Variants in TBL3 observed in about 807,000 individuals in gnomAD.
TBL3 encodes the protein transducin beta like 3, also known as transducin beta-like protein 3.
TBL3 carries 71 observed loss-of-function variants against 102.7 expected under a neutral mutation model. The observed-to-expected ratio is 0.69, with a 90% CI of 0.57 to 0.84. TBL3 has a LOEUF of 0.84. Ranked by LOEUF, TBL3 falls within the 40% of genes least tolerant of loss-of-function variation. The probability of loss-of-function intolerance (pLI) is 0.00; values close to 1 mark genes in which losing one functional copy is unlikely to be tolerated. For missense variants in TBL3, 1,188 were observed against 1,098.5 expected, an observed-to-expected ratio of 1.08 and a Z score of -1.15; for synonymous variants, 578 against 477.7, an observed-to-expected ratio of 1.21 and a Z score of -2.74.
At chr16:1,978,256 A>C in intron 20 of TBL3, 36 bp downstream of exon 20, 1 of 1,612,472 alleles carries the variant, frequency 6.2e-7, no homozygotes, top group South Asian at 1.1e-5. Flanking sequence ...CCCGGTGGGC[A>C]AGGGCCAGTC....
Position 1,974,203 on chromosome 16 carries a change from C to T in TBL3, c.100C>T (p.Gln34Ter), listed in dbSNP as rs142129784. The change falls in exon 3 of 22, where the codon CAG (glutamine) becomes TAG (stop). Residue 34 changes from glutamine (Q) to a stop codon, truncating the protein, a stop_gained. Transcript: ENST00000568546. LOFTEE classifies it high-confidence loss of function. Reference sequence around the variant, plus strand: ...GAGACCTCTCTGTCCCCAGCTGGACCAGACTGGCCAGCACCTCTTCTGCGT... The same window carrying T: ...GAGACCTCTCTGTCCCCAGCTGGACTAGACTGGCCAGCACCTCTTCTGCGT... ...FYKGGKAQLD[Q>*]TGQHLFCVCG... 6.3e-7 allele frequency: 1 copy of T among 1,588,448 alleles called. No homozygotes were observed. Among genetic ancestry groups the T allele is most frequent in the Non-Finnish European group, 8.6e-7 (1 of 1,165,376 alleles).
Position 1,977,731 on chromosome 16 carries a change from T to C in TBL3, c.1900-11T>C, listed in dbSNP as rs1449205294. 1 of 1,552,622 alleles carries C rather than the reference T, an allele frequency of 6.4e-7. No homozygotes were observed. Among genetic ancestry groups the C allele is most frequent in the African/African-American group, 1.4e-5 (1 of 73,066 alleles). On this transcript the variant is annotated splice_polypyrimidine_tract_variant and intron_variant, in intron 17 of 21. Coordinates refer to ENST00000568546, the MANE Select transcript of TBL3 (RefSeq NM_006453.3). The stretch of plus-strand genomic sequence containing the variant: ...GAGTGGAGGCCCCATCTGACCCTAG[T>C]CTAACCCCAGGATGTGACCGAGGCG...
chr16:1,981,302 C>G lies in TBL3; in HGVS notation c.*2617C>G. On this transcript the variant is annotated 3_prime_UTR_variant, in exon 22 of 22. Coordinates refer to ENST00000568546, the MANE Select transcript of TBL3 (RefSeq NM_006453.3). ...GATAGAATCCTGGCAACACCTCAAG[C>G]CTGTGGGGTCCTTGTGGAGCCGCCC... 1.4e-6 allele frequency: 2 copies of G among 1,475,680 alleles called. No individual in the cohort carries two copies. Among genetic ancestry groups the G allele is most frequent in the Non-Finnish European group, 1.8e-6 (2 of 1,115,384 alleles). 91.4% of individuals were successfully genotyped at this position (1,475,680 alleles called of 1,614,324 possible). A position where few individuals can be genotyped will look rare whatever the true frequency, so the allele number is the denominator to read the frequency against.
At position 1,977,776 on chromosome 16, in the gene TBL3, CCAGGCAAGAGGAGCAGGT is replaced by C. The variant is rs1298498956; in HGVS notation, c.1935_1952del (p.Arg646_Val651del). Reference sequence around the variant, plus strand: ...GAGGCGGAGCAGGCAGAGGAGCAGGCCAGGCAAGAGGAGCAGGTGGTCAGGTAAGGCCAGGGCAGTGGC... The same window carrying C: ...GAGGCGGAGCAGGCAGAGGAGCAGGCGGTCAGGTAAGGCCAGGGCAGTGGC... On this transcript the variant is annotated inframe_deletion, in exon 18 of 22. Coordinates refer to ENST00000568546, the MANE Select transcript of TBL3 (RefSeq NM_006453.3). 2 of 1,556,218 alleles carry C rather than the reference CCAGGCAAGAGGAGCAGGT, an allele frequency of 1.3e-6. No homozygotes were observed. Among genetic ancestry groups the C allele is most frequent in the South Asian group, 2.4e-5 (2 of 84,774 alleles).
Position 1,977,523 on chromosome 16 carries a change from T to C in TBL3, c.1752T>C (p.Asp584=), listed in dbSNP as rs572137426. The change falls in exon 17 of 22, where the codon GAT becomes GAC. Residue 584 remains aspartate, a synonymous_variant. Coordinates refer to ENST00000568546, the MANE Select transcript of TBL3 (RefSeq NM_006453.3). ...CCCACCCCAAACCCAGCGGTTCGGA[T>C]GGCCTCGTGAAGCTCTGGACCATCA... ...RGTQLLSSGS[D]GLVKLWTIKN... The C allele has an allele frequency of 6.2e-6, 10 of 1,606,790 alleles. No homozygotes were observed. In the African/African-American group the frequency reaches 1.2e-4, roughly 19 times the overall value.
chr16:1,974,675 C>T lies in TBL3; in HGVS notation c.375C>T (p.Ala125=). Residue 125 remains alanine, a synonymous_variant, in exon 5 of 22, where the codon GCC becomes GCT. Coordinates refer to ENST00000568546, the MANE Select transcript of TBL3 (RefSeq NM_006453.3). ...TCGACCCCACCTCCACTCTGCTAGC[C>T]ACAGGTAGGGCCCTGCCGTGCAGGT... ...MAFDPTSTLL[A]TGGCDGAVRV... 6.2e-7 allele frequency: 1 copy of T among 1,609,694 alleles called. No homozygotes were observed. Among genetic ancestry groups the T allele is most frequent in the Non-Finnish European group, 8.5e-7 (1 of 1,177,398 alleles).
chr16:1,981,123 C>T lies in TBL3; in HGVS notation c.*2438C>T. The T allele has an allele frequency of 6.2e-7, 1 of 1,613,506 alleles. No individual in the cohort carries two copies. Among genetic ancestry groups the T allele is most frequent in the Non-Finnish European group, 8.5e-7 (1 of 1,179,980 alleles). On this transcript the variant is annotated 3_prime_UTR_variant, in exon 22 of 22. Transcript: ENST00000568546. ...CCCAGCCAGGTCTTACTTGGAGCCT[C>T]TTGATCTGCACCAGGGCTGCCCCTT...
At position 1,981,801 on chromosome 16, in the gene TBL3, G is replaced by T. The variant is rs67069145; in HGVS notation, c.*3116G>T. 13,845 of 153,518 alleles carry T rather than the reference G, an allele frequency of 0.09. 688 individuals are homozygous for T. The highest frequency in any genetic ancestry group is 0.098 in the African/African-American group (4,063 of 41,520). 9.5% of individuals were successfully genotyped at this position (153,518 alleles called of 1,614,324 possible). A position where few individuals can be genotyped will look rare whatever the true frequency, so the allele number is the denominator to read the frequency against. ...GTTAAATGCGTAATTATTGTGAGCT[G>T]TTCTATACATGCTGGGGGAGGGGCA... On this transcript the variant is annotated 3_prime_UTR_variant, in exon 22 of 22. Transcript: ENST00000568546.
In TBL3 at chr16:1,979,260, C is replaced by G; in HGVS notation, c.*575C>G. On this transcript the variant is annotated 3_prime_UTR_variant, in exon 22 of 22. Coordinates refer to ENST00000568546, the MANE Select transcript of TBL3 (RefSeq NM_006453.3). ...CCGGGCCTCACCCGCCGGGTCGTCT[C>G]CTCCACGGAACCCCGTCCCGCTCAG... 6.5e-7 allele frequency: 1 copy of G among 1,534,036 alleles called. No individual in the cohort carries two copies. The highest frequency in any genetic ancestry group is 8.7e-7 in the Non-Finnish European group (1 of 1,147,500).
Position 1,978,017 on chromosome 16 carries a change from C to T in TBL3, c.2018C>T (p.Ala673Val), listed in dbSNP as rs780507366. 4 of 1,607,632 alleles carry T rather than the reference C, an allele frequency of 2.5e-6. No homozygotes were observed. The Admixed American group carries it at 6.7e-5, about 27-fold the overall frequency. ...EKRYLRALGLAISLDRPHTVL... is the reference protein window; with the variant it reads ...EKRYLRALGLVISLDRPHTVL... ...CGGTACCTGCGGGCGCTGGGCCTGGCCATCTCCCTGGATCGGCCCCACACC... is the reference window on the plus strand; with the variant it reads ...CGGTACCTGCGGGCGCTGGGCCTGGTCATCTCCCTGGATCGGCCCCACACC... Residue 673 changes from alanine (A) to valine (V), a missense_variant, in exon 19 of 22, where the codon GCC becomes GTC. Transcript: ENST00000568546.
At chr16:1,977,899 T>C (rs2083417346) in intron 18 of TBL3, 59 bp from the exon 19 acceptor site, 1 of 1,594,530 alleles carries the variant, frequency 6.3e-7, no homozygotes, top group East Asian at 2.2e-5. Flanking sequence ...CTGACTCCGA[T>C]GGCTCTGCCT....
intron 13 of TBL3, 141 bp downstream of exon 13, chr16:1,976,455 C>G (rs1443831150): frequency 4.0e-6 from 3 of 747,750 alleles, no homozygotes; most frequent in Non-Finnish European, 6.7e-6. Flanking sequence ...TGGAACAGAA[C>G]AGGACAGGAG....
chr16:1,979,910 G>GC lies in TBL3; in HGVS notation c.*1226dup. ...TTCTCCACCAGCCACCAGCCTGTGCGCAAGAAGCGGGCAGGGACTCAAATC... is the reference window on the plus strand; with the variant it reads ...TTCTCCACCAGCCACCAGCCTGTGCGCCAAGAAGCGGGCAGGGACTCAAATC... On this transcript the variant is annotated 3_prime_UTR_variant, in exon 22 of 22. Coordinates refer to ENST00000568546, the MANE Select transcript of TBL3 (RefSeq NM_006453.3). 6.3e-7 allele frequency: 1 copy of GC among 1,579,294 alleles called. No individual in the cohort carries two copies. Among genetic ancestry groups the GC allele is most frequent in the Non-Finnish European group, 8.6e-7 (1 of 1,163,272 alleles).
rs67025784 is a variant in TBL3 at position 1,982,065 on chromosome 16, C to T, written c.*3380C>T. 0.089 allele frequency: 13,525 copies of T among 152,192 alleles called. 664 individuals carry two copies. Among genetic ancestry groups the T allele is most frequent in the African/African-American group, 0.094 (3,913 of 41,500 alleles). 9.4% of individuals were successfully genotyped at this position (152,192 alleles called of 1,614,324 possible). ...CCTCTCTGGCTGCTTCCTTATAGTT[C>T]GGGCTTCGGAAGCCACATTCAACCC... is the stretch of plus-strand genomic sequence containing the variant. On this transcript the variant is annotated 3_prime_UTR_variant, in exon 22 of 22. Transcript: ENST00000568546.
intron 13 of TBL3, among the ~76,000 whole-genome samples, chr16:1,976,525 G>A (rs1352877880): frequency 2.6e-5 from 4 of 152,218 alleles, no homozygotes; most frequent in Non-Finnish European, 5.9e-5. Flanking sequence ...GGTTAAAGGG[G>A]GAAGGGCATT....
rs762290866 is a variant in TBL3 at position 1,979,342 on chromosome 16, C to G, written c.*657C>G. 1 of 1,577,308 alleles carries G rather than the reference C, an allele frequency of 6.3e-7. No homozygotes were observed. Among genetic ancestry groups the G allele is most frequent in the East Asian group, 2.3e-5 (1 of 43,002 alleles). On this transcript the variant is annotated 3_prime_UTR_variant, in exon 22 of 22. Transcript: ENST00000568546. ...ACCGCGGGGAGTAGGCCCGCCCGGT[C>G]GCCGTACCTGCGAGGGGCGGGGTGT... is the stretch of plus-strand genomic sequence containing the variant.
In TBL3 at chr16:1,981,693, G is replaced by A. The variant is rs2083513535; in HGVS notation, c.*3008G>A. 1 of 161,954 alleles carries A rather than the reference G, an allele frequency of 6.2e-6. No homozygotes were observed. The highest frequency in any genetic ancestry group is 1.7e-4 in the South Asian group (1 of 5,732). 10.0% of individuals were successfully genotyped at this position (161,954 alleles called of 1,614,324 possible). A position where few individuals can be genotyped will look rare whatever the true frequency, so the allele number is the denominator to read the frequency against. Reference sequence around the variant, plus strand: ...CAGAACCAAGGACTCAGTGCTTACAGCTTTAAGTGCTTTGTCTGACTTAAT... The same window carrying A: ...CAGAACCAAGGACTCAGTGCTTACAACTTTAAGTGCTTTGTCTGACTTAAT... On this transcript the variant is annotated 3_prime_UTR_variant, in exon 22 of 22. Transcript: ENST00000568546.
rs763698510 is a variant in TBL3 at position 1,975,536 on chromosome 16, G to A, written c.813G>A (p.Leu271=). Residue 271 remains leucine (L), a synonymous_variant, in exon 10 of 22, where the codon CTG becomes CTA. Transcript: ENST00000568546. ...CTGTCCCCACCCACACAGGCACTCT[G>A]CGCGTGTGGGAGGCAGCTTCTGGGC... ...YFLTAGDQGT[L]RVWEAASGQC... The A allele has an allele frequency of 3.8e-6, 6 of 1,598,076 alleles. No individual in the cohort carries two copies. In the Admixed American group the frequency reaches 5.0e-5, roughly 13 times the overall value.
In TBL3 at chr16:1,980,048, A is replaced by G. The variant is rs1434774765; in HGVS notation, c.*1363A>G. 1 of 1,607,378 alleles carries G rather than the reference A, an allele frequency of 6.2e-7. No individual in the cohort carries two copies. The highest frequency in any genetic ancestry group is 1.1e-5 in the South Asian group (1 of 89,996). ...AGGCTCTCCTGGGCCTGCGCCTGAA[A>G]AGGCCTATCCCGCGTGTCCTGGGTA... On this transcript the variant is annotated 3_prime_UTR_variant, in exon 22 of 22. Transcript: ENST00000568546.
Sources: allele counts gnomAD v4.1 joint callset (sites outside exome capture counted in the v4.1 genomes callset), GRCh38; gene constraint gnomAD v4.1.1; transcripts MANE v1.5; gene names NCBI Gene and HGNC (gene_info 2026-07-23, HGNC 2026-07-21).